ZNF385D: variants seen among roughly 807,000 people sequenced by gnomAD.
The protein encoded by ZNF385D is zinc finger protein 659.
A neutral mutation model predicts 35.8 loss-of-function variants in ZNF385D; 15 were observed. The observed-to-expected ratio is 0.42, with a 90% confidence interval of 0.28 to 0.64. The LOEUF is 0.64. ZNF385D is among the 30% of genes least tolerant of loss of function. The probability of loss-of-function intolerance (pLI) is 0.23; values close to 1 mark genes in which losing one functional copy is unlikely to be tolerated. For missense variants in ZNF385D, 474 were observed against 494.6 expected (o/e 0.96, Z 0.39); for synonymous variants, 212 against 186.8 (o/e 1.13, Z -1.10).
At chr3:21,583,102 T>G (rs1383531930) in intron 2 of ZNF385D, among the ~76,000 whole-genome samples, 1 of 152,138 alleles carries the variant, frequency 6.6e-6, no homozygotes, top group African/African-American at 2.4e-5. Flanking sequence ...TAGAAGCATA[T>G]ATACAATTTT....
At chr3:22,285,355 TTATC>T (rs1701971297) in intron 2 of ZNF385D, among the ~76,000 whole-genome samples, 1 of 152,136 alleles carries the variant, frequency 6.6e-6, no homozygotes. Context: ...AGTAGAAAGA[TTATC>T]TATTACAAAT....
At chr3:21,609,134 G>T (rs1362039570) in intron 2 of ZNF385D, among the ~76,000 whole-genome samples, 1 of 152,148 alleles carries the variant, frequency 6.6e-6, no homozygotes, top group African/African-American at 2.4e-5. Flanking sequence ...ATATCCCGAA[G>T]TAGGCATTTT....
intron 2 of ZNF385D, among the ~76,000 whole-genome samples, chr3:21,660,309 CCT>C: frequency 6.6e-6 from 1 of 152,232 alleles, no homozygotes; most frequent in East Asian, 1.9e-4. Flanking sequence ...CTTTTTTCTG[CCT>C]CTCTACTTCC....
intron 2 of ZNF385D, among the ~76,000 whole-genome samples, chr3:22,359,122 C>T (rs147346827): frequency 4.0e-4 from 60 of 148,954 alleles, no homozygotes; most frequent in Middle Eastern, 3.5e-3. Flanking sequence ...TTGATAACTA[C>T]GGTTGATTAT....
chr3:21,864,930 T>G (rs914955498), intron 3 of ZNF385D, among the ~76,000 whole-genome samples: 2 of 149,796 alleles, frequency 1.3e-5, no homozygotes, highest in Non-Finnish European at 3.0e-5. Context: ...TACCAAATAG[T>G]CAAACATCGT....
At chr3:22,106,332 T>A (rs1056841803) in intron 3 of ZNF385D, among the ~76,000 whole-genome samples, 2 of 152,154 alleles carry the variant, frequency 1.3e-5, no homozygotes, top group East Asian at 1.9e-4. Flanking sequence ...CTGCTTACAT[T>A]TGAAAGATGA....
chr3:21,532,374 T>C (rs1016024253), intron 3 of ZNF385D, among the ~76,000 whole-genome samples: 3 of 152,132 alleles, frequency 2.0e-5, no homozygotes, highest in African/African-American at 7.2e-5. Context: ...GGAGGGAAGG[T>C]ACCTGAAAAG....
At chr3:22,338,016 AT>A (rs1298670374) in intron 2 of ZNF385D, among the ~76,000 whole-genome samples, 4 of 152,172 alleles carry the variant, frequency 2.6e-5, no homozygotes. Context: ...CAGAACTAAA[AT>A]TTTTTCTCAT....
At chr3:21,928,343 G>A (rs914355382) in intron 3 of ZNF385D, among the ~76,000 whole-genome samples, 3 of 146,672 alleles carry the variant, frequency 2.0e-5, no homozygotes. Flanking sequence ...AGGGAGGGAG[G>A]GAGGGACGAA....
intron 3 of ZNF385D, among the ~76,000 whole-genome samples, chr3:21,555,468 G>C (rs769990691): frequency 5.3e-5 from 8 of 152,014 alleles, no homozygotes; most frequent in Non-Finnish European, 1.2e-4. Context: ...GCAGTGTGTG[G>C]TTTTCTGTTC....
intron 3 of ZNF385D, among the ~76,000 whole-genome samples, chr3:21,891,299 A>G (rs1698851933): frequency 6.6e-6 from 1 of 152,194 alleles, no homozygotes; most frequent in Non-Finnish European, 1.5e-5. Context: ...GGAGCTATCC[A>G]GGAAGTACAC....
intron 3 of ZNF385D, among the ~76,000 whole-genome samples, chr3:21,769,943 AC>A (rs1219893318): frequency 2.6e-5 from 4 of 152,096 alleles, no homozygotes; most frequent in African/African-American, 9.7e-5. Context: ...CACATCTACA[AC>A]TATCTGATCT....
intron 3 of ZNF385D, among the ~76,000 whole-genome samples, chr3:21,551,621 G>C (rs775245173): frequency 6.6e-5 from 10 of 152,020 alleles, no homozygotes; most frequent in Non-Finnish European, 1.0e-4. Flanking sequence ...ATTTGCCTAG[G>C]TCACATGGTA....
intron 3 of ZNF385D, among the ~76,000 whole-genome samples, chr3:21,956,176 G>A (rs559163424): frequency 8.0e-4 from 121 of 151,648 alleles, no homozygotes; most frequent in African/African-American, 2.8e-3. Flanking sequence ...GAGAGAGTGA[G>A]ACTATGTCTC....
At position 22,361,837 on chromosome 3, in the gene ZNF385D, G is replaced by A. The variant is rs572665614; in HGVS notation, c.106+10613C>T. On this transcript the variant is annotated intron_variant, in intron 2 of 5. Coordinates refer to the ZNF385D transcript ENST00000494108. The stretch of plus-strand genomic sequence containing the variant: ...TTGCTTCCTTATCTAAAAAAAGAAA[G>A]TAAGGCCTACCCACCTAATTTGTGG... Among the ~76,000 whole-genome samples, 4 of 151,990 alleles carry A rather than the reference G, an allele frequency of 2.6e-5. No homozygotes were observed. The East Asian group carries it at 7.7e-4, about 29-fold the overall frequency.
chr3:22,150,771 G>T (rs1356113649), intron 3 of ZNF385D, among the ~76,000 whole-genome samples: 1 of 151,998 alleles, frequency 6.6e-6, no homozygotes, highest in African/African-American at 2.4e-5. Context: ...TATATAATTA[G>T]TAGAAGCTTT....
intron 2 of ZNF385D, among the ~76,000 whole-genome samples, chr3:22,294,009 C>A (rs1209578870): frequency 6.6e-6 from 1 of 151,188 alleles, no homozygotes. Context: ...TCTATCTTGG[C>A]CTAGATTGCA....
intron 3 of ZNF385D, among the ~76,000 whole-genome samples, chr3:22,004,280 A>C (rs1452802108): frequency 6.6e-6 from 1 of 152,174 alleles, no homozygotes; most frequent in African/African-American, 2.4e-5. Flanking sequence ...ATATTCAAAA[A>C]ATGACTCAAA....
chr3:21,910,084 T>TACACACACAC lies in ZNF385D; in HGVS notation c.326-245066_326-245057dup, dbSNP rs112815077. ...TTAGCTGTGGGTTAAACATATATTTTACACACACACACACACACACACAGA... is the reference window on the plus strand; with the variant it reads ...TTAGCTGTGGGTTAAACATATATTTTACACACACACACACACACACACACACACACACAGA... On this transcript the variant is annotated intron_variant, in intron 3 of 5. Transcript: ENST00000494108. Among the ~76,000 whole-genome samples the TACACACACAC allele has an allele frequency of 6.3e-4, 94 of 149,344 alleles. 1 individual carries two copies. Among genetic ancestry groups the TACACACACAC allele is most frequent in the South Asian group, 5.8e-3 (27 of 4,672 alleles).
Sources: allele counts gnomAD v4.1 joint callset (sites outside exome capture counted in the v4.1 genomes callset), GRCh38; gene constraint gnomAD v4.1.1; transcripts MANE v1.5; gene names NCBI Gene and HGNC (gene_info 2026-07-23, HGNC 2026-07-21).